Variants in FNDC3A observed in about 807,000 individuals in gnomAD.
FNDC3A encodes fibronectin type-III domain-containing protein 3A.
A neutral mutation model predicts 148.9 loss-of-function variants in FNDC3A; 32 were observed. That is an observed-to-expected ratio of 0.21 (90% CI 0.16 to 0.29). The LOEUF (loss-of-function observed/expected upper bound fraction) is 0.29. Ranked by LOEUF, FNDC3A falls within the 10% of genes least tolerant of loss-of-function variation. The pLI is 1.00. For missense variants in FNDC3A, 1,191 were observed against 1,452.8 expected (o/e 0.82, Z 2.93); for synonymous variants, 472 against 473.6 (o/e 1.00, Z 0.04).
chr13:49,174,286 A>G (rs1009955910), intron 11 of FNDC3A, 149 bp from the exon 12 acceptor site: 7 of 592,424 alleles, frequency 1.2e-5, no homozygotes, highest in Non-Finnish European at 2.1e-5. Flanking sequence ...TCTATATCAT[A>G]TAAAAGATGT....
chr13:49,014,675 T>C (rs1379066724), intron 2 of FNDC3A, among the ~76,000 whole-genome samples: 3 of 145,470 alleles, frequency 2.1e-5, no homozygotes, highest in Non-Finnish European at 3.0e-5. Context: ...TCCTTGCCCA[T>C]GCCTATGTCC....
At chr13:49,188,389 C>A in intron 16 of FNDC3A, 126 bp from the exon 17 acceptor site, 1 of 655,786 alleles carries the variant, frequency 1.5e-6, no homozygotes, top group Non-Finnish European at 2.7e-6. Flanking sequence ...CCGAAACAAA[C>A]CTAAATTGTT....
intron 1 of FNDC3A, among the ~76,000 whole-genome samples, chr13:48,981,288 T>A (rs764658077): frequency 1.3e-5 from 2 of 152,122 alleles, no homozygotes; most frequent in Non-Finnish European, 2.9e-5. Flanking sequence ...CTTCACCACT[T>A]ATTACCTATA....
chr13:49,163,352 C>T (rs1355457704), intron 8 of FNDC3A, among the ~76,000 whole-genome samples: 3 of 152,200 alleles, frequency 2.0e-5, no homozygotes, highest in Non-Finnish European at 4.4e-5. Context: ...GACGCTCCTC[C>T]CCCAGCCTCG....
At chr13:49,180,030 A>G (rs902078562) in intron 14 of FNDC3A, among the ~76,000 whole-genome samples, 1 of 152,252 alleles carries the variant, frequency 6.6e-6, no homozygotes, top group African/African-American at 2.4e-5. Context: ...ACATGTGTAT[A>G]TACATAAATA....
chr13:49,206,899 C>T (rs1886674462), intron 25 of FNDC3A, among the ~76,000 whole-genome samples, 182 bp from the exon 26 acceptor site: 1 of 152,108 alleles, frequency 6.6e-6, no homozygotes, highest in Non-Finnish European at 1.5e-5. Flanking sequence ...ATTTCTCTTG[C>T]CCCTATGCAA....
chr13:49,158,815 T>C (rs912640025), intron 8 of FNDC3A, among the ~76,000 whole-genome samples: 3 of 152,202 alleles, frequency 2.0e-5, no homozygotes, highest in African/African-American at 7.2e-5. Context: ...AAGGAAGGGA[T>C]CCAGTTTCAG....
rs200960754 is a variant in FNDC3A at position 49,207,641 on chromosome 13, CT to C, written c.*253del. 1 of 358,192 alleles carries C rather than the reference CT, an allele frequency of 2.8e-6. No homozygotes were observed. The highest frequency in any genetic ancestry group is 7.9e-4 in the Middle Eastern group (1 of 1,272). 22.2% of individuals were successfully genotyped at this position (358,192 alleles called of 1,614,324 possible). A position where few individuals can be genotyped will look rare whatever the true frequency, so the allele number is the denominator to read the frequency against. ...GTCTTCTTTTTTTCTTTCCCTCTCT[CT>C]TTTTTTAACAAATGCCTTCTTATAG... On this transcript the variant is annotated 3_prime_UTR_variant, in exon 26 of 26. Transcript: ENST00000492622.
intron 3 of FNDC3A, among the ~76,000 whole-genome samples, chr13:49,092,760 TAA>T (rs762322245): frequency 1.4e-4 from 20 of 142,190 alleles, no homozygotes; most frequent in Admixed American, 1.4e-4. Context: ...ACTCCAATGT[TAA>T]AAAAAAAAAA....
chr13:49,104,175 T>C (rs1880020470), intron 3 of FNDC3A, among the ~76,000 whole-genome samples: 1 of 152,214 alleles, frequency 6.6e-6, no homozygotes, highest in Non-Finnish European at 1.5e-5. Flanking sequence ...TCAGTGACTT[T>C]TGCCAGTGCA....
chr13:49,016,115 C>T lies in FNDC3A; in HGVS notation c.99+9826C>T, dbSNP rs192231160. Among the ~76,000 whole-genome samples the T allele has an allele frequency of 4.7e-3, 715 of 152,330 alleles. 3 individuals are homozygous for T. The highest frequency in any genetic ancestry group is 0.016 in the African/African-American group (673 of 41,566). ...TTTGGTATCAGGATGATGCTGGCCT[C>T]ATAAGATGAGTTAGGGAGGATTCCC... On this transcript the variant is annotated intron_variant, in intron 2 of 25. Transcript: ENST00000492622.
chr13:49,193,454 G>T (rs907056353), intron 19 of FNDC3A, among the ~76,000 whole-genome samples: 1 of 151,986 alleles, frequency 6.6e-6, no homozygotes, highest in East Asian at 1.9e-4. Context: ...AGAGATGGGG[G>T]TCCCCTTATG....
intron 2 of FNDC3A, among the ~76,000 whole-genome samples, chr13:49,072,300 T>C (rs1424413117): frequency 6.6e-6 from 1 of 152,174 alleles, no homozygotes; most frequent in Non-Finnish European, 1.5e-5. Context: ...ATGTTCTTGA[T>C]TCCTTTGATG....
intron 3 of FNDC3A, among the ~76,000 whole-genome samples, chr13:49,108,346 A>G (rs190603083): frequency 1.7e-3 from 255 of 152,278 alleles, no homozygotes; most frequent in African/African-American, 6.0e-3. Flanking sequence ...CCGTGATCTC[A>G]AGGAAGAAGG....
chr13:49,160,927 GT>G (rs1884064580), intron 8 of FNDC3A, among the ~76,000 whole-genome samples: 1 of 152,204 alleles, frequency 6.6e-6, no homozygotes, highest in Admixed American at 6.5e-5. Flanking sequence ...TAGTTATGCG[GT>G]TTTGAGTGAG....
At chr13:49,203,610 A>G (rs937142287) in intron 25 of FNDC3A, among the ~76,000 whole-genome samples, 12 of 152,190 alleles carry the variant, frequency 7.9e-5, no homozygotes, top group African/African-American at 2.9e-4. Flanking sequence ...ATGACAATAT[A>G]TTGTCAGATA....
At chr13:48,988,369 C>A (rs1951845256) in intron 1 of FNDC3A, among the ~76,000 whole-genome samples, 1 of 152,170 alleles carries the variant, frequency 6.6e-6, no homozygotes, top group Admixed American at 6.5e-5. Flanking sequence ...GATGAAATGT[C>A]AACATCCAAG....
Position 49,196,996 on chromosome 13 carries a change from G to C in FNDC3A, c.2340+6G>C, listed in dbSNP as rs1886187214. On this transcript the variant is annotated splice_donor_region_variant and intron_variant, in intron 20 of 25. Coordinates refer to ENST00000492622, the MANE Select transcript of FNDC3A (RefSeq NM_001079673.2). ...GTGCACAAGTGAATTGGGAGGTATT[G>C]TAATTTCCATTGACTTGTATCTACT... is the stretch of plus-strand genomic sequence containing the variant. The C allele has an allele frequency of 2.6e-6, 4 of 1,537,160 alleles. No homozygotes were observed. In the East Asian group the frequency reaches 9.0e-5, roughly 35 times the overall value.
chr13:49,011,601 T>TA (rs1247067043), intron 2 of FNDC3A, among the ~76,000 whole-genome samples: 1 of 152,144 alleles, frequency 6.6e-6, no homozygotes, highest in South Asian at 2.1e-4. Context: ...TCTTTTCTTC[T>TA]AGAGTTAGTG....
Sources: allele counts gnomAD v4.1 joint callset (sites outside exome capture counted in the v4.1 genomes callset), GRCh38; gene constraint gnomAD v4.1.1; transcripts MANE v1.5; gene names NCBI Gene and HGNC (gene_info 2026-07-23, HGNC 2026-07-21).